KREMEN1: variants seen among roughly 807,000 people sequenced by gnomAD.
KREMEN1 encodes kremen protein 1.
A neutral mutation model predicts 46.5 loss-of-function variants in KREMEN1; 30 were observed. That is an observed-to-expected ratio of 0.65 (90% CI 0.48 to 0.88). The LOEUF (loss-of-function observed/expected upper bound fraction) is 0.88, where lower values mean the gene tolerates loss of function less well. KREMEN1 is among the 40% of genes least tolerant of loss of function. KREMEN1 has a pLI of 0.00. For synonymous variants in KREMEN1, 214 were observed against 230.6 expected, an observed-to-expected ratio of 0.93 and a Z score of 0.65; for missense variants, 533 against 596.9, an observed-to-expected ratio of 0.89 and a Z score of 1.11.
In KREMEN1 at chr22:29,140,625, C is replaced by T. The variant is rs907752454; in HGVS notation, c.1208+259C>T. Among the ~76,000 whole-genome samples, 45 of 152,102 alleles carry T rather than the reference C, an allele frequency of 3.0e-4. 2 individuals carry two copies. The highest frequency in any genetic ancestry group is 7.3e-5 in the Non-Finnish European group (5 of 68,032). On this transcript the variant is annotated intron_variant, in intron 8 of 8. Coordinates refer to ENST00000400335, the MANE Select transcript of KREMEN1 (RefSeq NM_001039570.3). Reference sequence around the variant, plus strand: ...AATTTCAAGGAGGATTGCAACATTCCTGGCTTAAAAAGCAAATGTGCTAGT... The same window carrying T: ...AATTTCAAGGAGGATTGCAACATTCTTGGCTTAAAAAGCAAATGTGCTAGT...
Position 29,073,274 on chromosome 22 carries a change from C to T in KREMEN1, c.97+47C>T, listed in dbSNP as rs139628031. 1.8e-5 allele frequency: 16 copies of T among 893,384 alleles called. No individual in the cohort carries two copies. In the African/African-American group the frequency reaches 2.8e-4, roughly 16 times the overall value. 55.3% of individuals were successfully genotyped at this position (893,384 alleles called of 1,614,324 possible). A position where few individuals can be genotyped will look rare whatever the true frequency, so the allele number is the denominator to read the frequency against. Reference sequence around the variant, plus strand: ...CCGCCCGCCCTGAGCGGAGCCCACTCGAGGGGCGACAAGGGCCGGCCGGCC... The same window carrying T: ...CCGCCCGCCCTGAGCGGAGCCCACTTGAGGGGCGACAAGGGCCGGCCGGCC... On this transcript the variant is annotated intron_variant, in intron 1 of 8. Coordinates refer to ENST00000400335, the MANE Select transcript of KREMEN1 (RefSeq NM_001039570.3). The surrounding 1 kb of genome is among the most constrained non-coding windows in gnomAD (Gnocchi z 4.4).
rs115224157 is a variant in KREMEN1, at chr22:29,092,044, G to C, written c.98-2214G>C. 2.4e-3 allele frequency among the ~76,000 whole-genome samples: 361 copies of C among 152,314 alleles called. 3 individuals carry two copies. Among genetic ancestry groups the C allele is most frequent in the African/African-American group, 8.4e-3 (350 of 41,564 alleles). On this transcript the variant is annotated intron_variant, in intron 1 of 8. Transcript: ENST00000400335. ...CCTTGCAGACACCGAGGAAGAGTCT[G>C]AGTTTTGTTTTGAGTGCCATCATTC...
chr22:29,109,388 A>G (rs1470260277), intron 3 of KREMEN1, among the ~76,000 whole-genome samples: 1 of 152,218 alleles, frequency 6.6e-6, no homozygotes, highest in African/African-American at 2.4e-5. Context: ...TGAGTTATAA[A>G]CCTAAGAGAA....
At chr22:29,079,705 G>C (rs1392860288) in intron 1 of KREMEN1, among the ~76,000 whole-genome samples, 1 of 152,228 alleles carries the variant, frequency 6.6e-6, no homozygotes, top group Non-Finnish European at 1.5e-5. Context: ...AGGTGATTCA[G>C]AGCGGCTGTA....
At chr22:29,086,488 G>A (rs989688267) in intron 1 of KREMEN1, among the ~76,000 whole-genome samples, 8 of 152,160 alleles carry the variant, frequency 5.3e-5, no homozygotes, top group South Asian at 2.1e-4. Flanking sequence ...TTGAAGATGG[G>A]AGTGTGTCCT....
At chr22:29,135,523 G>A (rs1295994232) in intron 5 of KREMEN1, among the ~76,000 whole-genome samples, 3 of 152,100 alleles carry the variant, frequency 2.0e-5, no homozygotes, top group African/African-American at 4.8e-5. Flanking sequence ...ATTCCTGTCC[G>A]CCAGTGGCAG....
chr22:29,104,668 A>C (rs943516207), intron 3 of KREMEN1, among the ~76,000 whole-genome samples: 16 of 152,196 alleles, frequency 1.1e-4, no homozygotes, highest in Non-Finnish European at 1.5e-4. Context: ...GCACTTTGGG[A>C]GGCCAAGGTG....
intron 2 of KREMEN1, among the ~76,000 whole-genome samples, chr22:29,097,173 A>T (rs1213984459): frequency 6.6e-6 from 1 of 152,260 alleles, no homozygotes; most frequent in Non-Finnish European, 1.5e-5. Context: ...CAGGATCTTT[A>T]TGCCCATTTC....
Position 29,143,106 on chromosome 22 carries a change from C to T in KREMEN1, c.*994C>T, listed in dbSNP as rs1168901497. 4.4e-5 allele frequency: 33 copies of T among 752,344 alleles called. No homozygotes were observed. The highest frequency in any genetic ancestry group is 5.2e-5 in the Non-Finnish European group (32 of 617,744). The allele number at this position is 752,344 out of a possible 1,614,324, so 46.6% of individuals were successfully genotyped here. A position where few individuals can be genotyped will look rare whatever the true frequency, so the allele number is the denominator to read the frequency against. On this transcript the variant is annotated 3_prime_UTR_variant, in exon 9 of 9. Coordinates refer to ENST00000400335, the MANE Select transcript of KREMEN1 (RefSeq NM_001039570.3). ...CTGAGATTGCAGTGAGCCGAGATCG[C>T]ACCACTGCACTCCAGCCTGGGTGAC...
At chr22:29,076,621 C>T (rs1300227748) in intron 1 of KREMEN1, among the ~76,000 whole-genome samples, 1 of 152,198 alleles carries the variant, frequency 6.6e-6, no homozygotes, top group Non-Finnish European at 1.5e-5. Context: ...GAGGTCAAGG[C>T]AGACGGATCA....
intron 3 of KREMEN1, among the ~76,000 whole-genome samples, chr22:29,114,951 A>T (rs561465057): frequency 6.6e-6 from 1 of 152,228 alleles, no homozygotes; most frequent in Admixed American, 6.5e-5. Context: ...GGAAAACTCA[A>T]TTATCTAGAA....
At chr22:29,134,298 C>T (rs946430508) in intron 5 of KREMEN1, among the ~76,000 whole-genome samples, 3 of 152,094 alleles carry the variant, frequency 2.0e-5, no homozygotes, top group African/African-American at 7.2e-5. Flanking sequence ...GCTGGGACTG[C>T]AGGCACACAC....
chr22:29,087,161 G>T (rs1042089360), intron 1 of KREMEN1, among the ~76,000 whole-genome samples: 1 of 152,050 alleles, frequency 6.6e-6, no homozygotes, highest in African/African-American at 2.4e-5. Context: ...ATTCTCATTG[G>T]AATATGTTCT....
Position 29,146,623 on chromosome 22 carries a change from A to G in KREMEN1, c.*4511A>G, listed in dbSNP as rs183512778. The G allele has an allele frequency of 5.1e-6, 5 of 981,290 alleles. No homozygotes were observed. Among genetic ancestry groups the G allele is most frequent in the African/African-American group, 1.7e-5 (1 of 57,290 alleles). 60.8% of individuals were successfully genotyped at this position (981,290 alleles called of 1,614,324 possible). A position where few individuals can be genotyped will look rare whatever the true frequency, so the allele number is the denominator to read the frequency against. Reference sequence around the variant, plus strand: ...CTTTATTTGTAAATATGCTCTTAATATGCAACTTTGAGAATAAAATAGAAA... The same window carrying G: ...CTTTATTTGTAAATATGCTCTTAATGTGCAACTTTGAGAATAAAATAGAAA... On this transcript the variant is annotated 3_prime_UTR_variant, in exon 9 of 9. Transcript: ENST00000400335.
At chr22:29,079,313 C>T (rs954440300) in intron 1 of KREMEN1, among the ~76,000 whole-genome samples, 21 of 152,194 alleles carry the variant, frequency 1.4e-4, no homozygotes, top group Non-Finnish European at 2.6e-4. Context: ...CTAGGGAGCA[C>T]CTTGGCAGAC....
Position 29,131,470 on chromosome 22 carries a change from T to G in KREMEN1, c.632-5872T>G, listed in dbSNP as rs191852223. ...CAAGTTCCTTTCTGCTCCTTTGTGG[T>G]CAGTTCCCTTCCCCAACCCAACTCC... On this transcript the variant is annotated intron_variant, in intron 5 of 8. Coordinates refer to ENST00000400335, the MANE Select transcript of KREMEN1 (RefSeq NM_001039570.3). Among the ~76,000 whole-genome samples the G allele has an allele frequency of 2.0e-3, 290 of 145,116 alleles. 1 individual carries two copies. The highest frequency in any genetic ancestry group is 3.7e-3 in the Non-Finnish European group (252 of 67,350).
intron 3 of KREMEN1, among the ~76,000 whole-genome samples, chr22:29,112,235 G>A (rs2038163931): frequency 6.6e-6 from 1 of 152,088 alleles, no homozygotes; most frequent in Admixed American, 6.5e-5. Context: ...TTCACTGAGC[G>A]GATCCCAATT....
chr22:29,087,271 A>G (rs1156423942), intron 1 of KREMEN1, among the ~76,000 whole-genome samples: 1 of 152,180 alleles, frequency 6.6e-6, no homozygotes, highest in Admixed American at 6.5e-5. Context: ...CCAACATAAG[A>G]TCAGTAGAAG....
chr22:29,157,991 C>A (rs2038978375), intron 9 of KREMEN1, among the ~76,000 whole-genome samples: 1 of 152,178 alleles, frequency 6.6e-6, no homozygotes, highest in South Asian at 2.1e-4. Flanking sequence ...ATGCAAAGGC[C>A]ACTGGGAAAT....
Sources: gnomAD v4.1 joint callset for allele counts (sites outside exome capture counted in the v4.1 genomes callset) on GRCh38, gnomAD v4.1.1 for gene constraint, Gnocchi (gnomAD v3.1) non-coding constraint, MANE v1.5 for transcripts, NCBI Gene and HGNC (gene_info 2026-07-23, HGNC 2026-07-21) for gene names.